The following EEFSEC variants were observed in gnomAD, a reference collection of about 807,000 sequenced individuals.
EEFSEC encodes the protein selenocysteine-specific elongation factor.
EEFSEC carries 43 observed loss-of-function variants against 42.1 expected under a neutral mutation model. The observed-to-expected ratio is 1.02, with a 90% CI of 0.80 to 1.32. The LOEUF is 1.32. Among genes scored for constraint, EEFSEC ranks in the 40% most tolerant of loss-of-function variants. EEFSEC has a pLI of 0.00. For missense variants in EEFSEC, 745 were observed against 803.6 expected (o/e 0.93, Z 0.88); for synonymous variants, 354 against 339.1 (o/e 1.04, Z -0.48).
chr3:128,364,129 C>A (rs2107596914), intron 6 of EEFSEC, among the ~76,000 whole-genome samples: 1 of 152,316 alleles, frequency 6.6e-6, no homozygotes, highest in East Asian at 1.9e-4. Context: ...GAGACCCCAT[C>A]CCTACAAAAA....
At position 128,247,205 on chromosome 3, in the gene EEFSEC, G is replaced by A. The variant is rs376303506; in HGVS notation, c.524+162G>A. Reference sequence around the variant, plus strand: ...CTCACATAAGGGCTGCATTAAATGAGGTAAAGGCTAACGTGTTTTTAAAAG... The same window carrying A: ...CTCACATAAGGGCTGCATTAAATGAAGTAAAGGCTAACGTGTTTTTAAAAG... On this transcript the variant is annotated intron_variant, in intron 2 of 6. Transcript: ENST00000254730. Among the ~76,000 whole-genome samples, 57 of 152,270 alleles carry A rather than the reference G, an allele frequency of 3.7e-4. No homozygotes were observed. In the South Asian group the frequency reaches 0.011, roughly 28 times the overall value.
chr3:128,356,000 G>A (rs574533572), intron 5 of EEFSEC, among the ~76,000 whole-genome samples: 1 of 152,354 alleles, frequency 6.6e-6, no homozygotes, highest in Admixed American at 6.5e-5. Flanking sequence ...CTGGGCACCA[G>A]GGGCTGCATA....
Position 128,395,776 on chromosome 3 carries a change from C to G in EEFSEC, c.1601-12293C>G, listed in dbSNP as rs533729066. 1.5e-3 allele frequency among the ~76,000 whole-genome samples: 226 copies of G among 152,208 alleles called. 1 individual carries two copies. Among genetic ancestry groups the G allele is most frequent in the Non-Finnish European group, 2.8e-3 (193 of 68,032 alleles). On this transcript the variant is annotated intron_variant, in intron 6 of 6. Transcript: ENST00000254730. ...CAGTTGTAGCTTAGTTAGCCCCGAG[C>G]TGACGGAGACACAATGATACAGCAC...
intron 4 of EEFSEC, among the ~76,000 whole-genome samples, chr3:128,268,551 G>A (rs547271889): frequency 3.9e-5 from 6 of 152,242 alleles, no homozygotes; most frequent in Admixed American, 1.3e-4. Flanking sequence ...TAAGGGTCTT[G>A]CAGATGTAAT....
rs562107625 is a variant in EEFSEC, at chr3:128,379,032, A to C, written c.1600+20659A>C. On this transcript the variant is annotated intron_variant, in intron 6 of 6. Transcript: ENST00000254730. ...TGAGGTTTCAGAAAATCCCTGTAAA[A>C]ATGAAAACAAACCATCCATCTTTCT... Among the ~76,000 whole-genome samples, 6 of 152,304 alleles carry C rather than the reference A, an allele frequency of 3.9e-5. No homozygotes were observed. The South Asian group carries it at 1.2e-3, about 32-fold the overall frequency.
chr3:128,274,316 A>C (rs1431784771), intron 4 of EEFSEC, among the ~76,000 whole-genome samples: 1 of 152,176 alleles, frequency 6.6e-6, no homozygotes, highest in Non-Finnish European at 1.5e-5. Context: ...TCCGAGTCGC[A>C]GCAAAGAGGA....
At chr3:128,272,567 G>C (rs1042228431) in intron 4 of EEFSEC, among the ~76,000 whole-genome samples, 2 of 152,182 alleles carry the variant, frequency 1.3e-5, no homozygotes, top group Admixed American at 6.5e-5. Flanking sequence ...TCAGAACTTC[G>C]TGTATTGTGA....
At chr3:128,298,298 C>T (rs2066730946) in intron 4 of EEFSEC, among the ~76,000 whole-genome samples, 2 of 152,146 alleles carry the variant, frequency 1.3e-5, no homozygotes, top group South Asian at 4.1e-4. Context: ...CAGGCATGCA[C>T]CACCATGCCC....
chr3:128,266,783 A>G (rs374637823), intron 4 of EEFSEC, among the ~76,000 whole-genome samples: 3 of 152,148 alleles, frequency 2.0e-5, no homozygotes, highest in African/African-American at 7.2e-5. Flanking sequence ...GACCACTTGA[A>G]TAAAATCTAG....
chr3:128,287,397 A>G (rs1330816461), intron 4 of EEFSEC, among the ~76,000 whole-genome samples: 4 of 152,162 alleles, frequency 2.6e-5, no homozygotes, highest in Non-Finnish European at 5.9e-5. Flanking sequence ...AAACTGTACT[A>G]AATGGGAGAG....
intron 1 of EEFSEC, among the ~76,000 whole-genome samples, chr3:128,162,855 A>T (rs1469865900): frequency 2.0e-5 from 3 of 152,232 alleles, no homozygotes; most frequent in Admixed American, 6.5e-5. Flanking sequence ...TCAGAAGGAA[A>T]TCATAGCCAC....
intron 4 of EEFSEC, 145 bp downstream of exon 4, chr3:128,264,926 T>C (rs1404979305): frequency 3.1e-6 from 3 of 972,410 alleles, no homozygotes; most frequent in Non-Finnish European, 4.4e-6. Context: ...CCCCTCTGGC[T>C]GCCTGGCCCC....
At chr3:128,416,275 C>T in the EEFSEC span, among the ~76,000 whole-genome samples, 31 of 152,288 alleles carry the variant, frequency 2.0e-4, no homozygotes, top group East Asian at 4.8e-3. Flanking sequence ...CAGCCCTCCC[C>T]AAGGCATCTG....
At chr3:128,392,464 G>T (rs572840593) in intron 6 of EEFSEC, among the ~76,000 whole-genome samples, 80 of 152,316 alleles carry the variant, frequency 5.3e-4, no homozygotes, top group African/African-American at 1.7e-3. Flanking sequence ...ATAGGCGAGG[G>T]GACCCAGGGT....
intron 1 of EEFSEC, among the ~76,000 whole-genome samples, chr3:128,166,480 G>A (rs2065243485): frequency 6.6e-6 from 1 of 152,140 alleles, no homozygotes; most frequent in Admixed American, 6.5e-5. Context: ...TATAGGCACA[G>A]GTGGCTAGTG....
chr3:128,348,590 T>C (rs764190533), intron 5 of EEFSEC, among the ~76,000 whole-genome samples: 1 of 152,208 alleles, frequency 6.6e-6, no homozygotes, highest in Admixed American at 6.5e-5. Flanking sequence ...TTGGGGGTTT[T>C]TTTGCATGGT....
At chr3:128,193,574 T>C (rs2065549763) in intron 1 of EEFSEC, among the ~76,000 whole-genome samples, 1 of 152,260 alleles carries the variant, frequency 6.6e-6, no homozygotes, top group Admixed American at 6.5e-5. Flanking sequence ...TAAAATATTA[T>C]TTAAAAATGA....
At chr3:128,154,383 C>T (rs1409433658) in intron 1 of EEFSEC, among the ~76,000 whole-genome samples, 1 of 152,126 alleles carries the variant, frequency 6.6e-6, no homozygotes. Flanking sequence ...GTACACAAAG[C>T]TACATCATTC....
chr3:128,293,612 G>C (rs2107988980), intron 4 of EEFSEC, among the ~76,000 whole-genome samples: 1 of 138,368 alleles, frequency 7.2e-6, no homozygotes, highest in African/African-American at 2.7e-5. Context: ...AGTGAGCTGA[G>C]ATCACGCCAC....
Sources: gnomAD v4.1 joint callset for allele counts (sites outside exome capture counted in the v4.1 genomes callset) on GRCh38, gnomAD v4.1.1 for gene constraint, MANE v1.5 for transcripts, NCBI Gene and HGNC (gene_info 2026-07-23, HGNC 2026-07-21) for gene names.